FHIT: variants seen among roughly 807,000 people sequenced by gnomAD.
FHIT encodes fragile histidine triad diadenosine triphosphatase, also known as bis(5'-adenosyl)-triphosphatase.
In FHIT, 19 loss-of-function variants were observed where a neutral mutation model predicts 17.9. The observed-to-expected ratio is 1.06, with a 90% confidence interval of 0.74 to 1.56. The LOEUF is 1.56. Ranked by LOEUF, FHIT falls within the 40% of genes most tolerant of loss-of-function variation. The pLI, the probability that FHIT is intolerant of heterozygous loss-of-function variation, is 0.00. For synonymous variants in FHIT, 81 were observed against 69.7 expected (o/e 1.16, Z -0.81); for missense variants, 248 against 189.2 (o/e 1.31, Z -1.82).
At chr3:60,980,940 G>A (rs77247442) in intron 3 of FHIT, among the ~76,000 whole-genome samples, 3,136 of 152,240 alleles carry the variant, frequency 0.021, 111 homozygotes, top group African/African-American at 0.072. Flanking sequence ...AATTCCCTGC[G>A]TGCTCTCACT....
chr3:61,245,081 G>A (rs932590044), intron 1 of FHIT, among the ~76,000 whole-genome samples: 4 of 152,080 alleles, frequency 2.6e-5, no homozygotes, highest in Non-Finnish European at 5.9e-5. Context: ...AAAAACAGTA[G>A]AATTAAAGGT....
chr3:60,874,806 C>G (rs1553755963), intron 3 of FHIT, among the ~76,000 whole-genome samples: 1 of 152,074 alleles, frequency 6.6e-6, no homozygotes. Context: ...AGCTCAACAT[C>G]AAGTCACCTC....
intron 7 of FHIT, among the ~76,000 whole-genome samples, chr3:59,975,619 T>TA (rs541229105): frequency 1.3e-5 from 2 of 151,824 alleles, no homozygotes; most frequent in African/African-American, 2.4e-5. Flanking sequence ...TACAAATGGT[T>TA]AAAAAAACAT....
intron 3 of FHIT, among the ~76,000 whole-genome samples, chr3:60,991,579 A>C (rs2107583048): frequency 6.6e-6 from 1 of 152,296 alleles, no homozygotes; most frequent in Admixed American, 6.5e-5. Flanking sequence ...GTAGTGATTA[A>C]GAACATAGTG....
At chr3:60,953,120 G>C (rs1276782609) in intron 3 of FHIT, among the ~76,000 whole-genome samples, 1 of 152,148 alleles carries the variant, frequency 6.6e-6, no homozygotes, top group Non-Finnish European at 1.5e-5. Context: ...ATAAGAACAA[G>C]TGGGGGCATG....
intron 7 of FHIT, among the ~76,000 whole-genome samples, chr3:59,930,731 G>C (rs184066668): frequency 2.0e-5 from 3 of 152,178 alleles, no homozygotes; most frequent in East Asian, 1.9e-4. Flanking sequence ...GGAAACGTTG[G>C]GGGGTGGTAA....
chr3:60,944,606 G>A (rs1348520599), intron 3 of FHIT, among the ~76,000 whole-genome samples: 1 of 152,214 alleles, frequency 6.6e-6, no homozygotes, highest in Non-Finnish European at 1.5e-5. Flanking sequence ...AACTCATAGT[G>A]TGGCAGAGTA....
intron 5 of FHIT, among the ~76,000 whole-genome samples, chr3:60,351,083 CAAA>C (rs71930476): frequency 1.3e-5 from 2 of 151,072 alleles, no homozygotes; most frequent in African/African-American, 4.9e-5. Context: ...GACACTGAAG[CAAA>C]AAAAAGCCAT....
intron 4 of FHIT, among the ~76,000 whole-genome samples, chr3:60,699,606 G>C (rs1553701503): frequency 7.1e-6 from 1 of 140,064 alleles, no homozygotes. Context: ...TCGTTAGTGG[G>C]TGCAGCGCAC....
At position 59,914,106 on chromosome 3, in the gene FHIT, G is replaced by A. The variant is rs185592047; in HGVS notation, c.348+8240C>T. On this transcript the variant is annotated intron_variant, in intron 8 of 9. Coordinates refer to ENST00000492590, the MANE Select transcript of FHIT (RefSeq NM_002012.4). ...CACCAAAACAAGTACAAAGAAACAG[G>A]TGAAATTAATTTTAGTGATATAATT... Among the ~76,000 whole-genome samples, 14 of 152,192 alleles carry A rather than the reference G, an allele frequency of 9.2e-5. No homozygotes were observed. In the East Asian group the frequency reaches 2.3e-3, roughly 25 times the overall value.
chr3:61,054,718 C>T (rs952486902), intron 2 of FHIT, among the ~76,000 whole-genome samples: 3 of 152,130 alleles, frequency 2.0e-5, no homozygotes, highest in Admixed American at 1.3e-4. Flanking sequence ...CCTAAGAGAA[C>T]ACTGGTCTCC....
At chr3:60,900,029 A>G (rs1451616854) in intron 3 of FHIT, among the ~76,000 whole-genome samples, 1 of 152,162 alleles carries the variant, frequency 6.6e-6, no homozygotes, top group African/African-American at 2.4e-5. Flanking sequence ...AATCTGCTCA[A>G]AGCTCAGGGA....
chr3:61,083,609 C>A (rs2035215442), intron 2 of FHIT, among the ~76,000 whole-genome samples: 1 of 152,012 alleles, frequency 6.6e-6, no homozygotes, highest in Non-Finnish European at 1.5e-5. Context: ...GAAAAAGAAA[C>A]CTTATACCTA....
chr3:60,237,500 C>A (rs148140219), intron 5 of FHIT, among the ~76,000 whole-genome samples: 1 of 152,232 alleles, frequency 6.6e-6, no homozygotes, highest in East Asian at 1.9e-4. Context: ...AAGACAGGGA[C>A]CTTGATGAGT....
At chr3:60,560,384 T>C (rs1392030103) in intron 4 of FHIT, among the ~76,000 whole-genome samples, 2 of 152,058 alleles carry the variant, frequency 1.3e-5, no homozygotes, top group East Asian at 3.9e-4. Context: ...AGATTGGGAT[T>C]GCCTATCAGC....
chr3:60,360,080 C>A (rs1385443461), intron 5 of FHIT, among the ~76,000 whole-genome samples: 1 of 151,148 alleles, frequency 6.6e-6, no homozygotes, highest in Non-Finnish European at 1.5e-5. Context: ...GAAAGTTCCC[C>A]ATTAGGTGCA....
intron 4 of FHIT, among the ~76,000 whole-genome samples, chr3:60,700,914 T>C (rs1408777673): frequency 1.3e-5 from 2 of 152,182 alleles, no homozygotes; most frequent in South Asian, 2.1e-4. Context: ...AAATATGGTA[T>C]ATAACTGTAT....
intron 5 of FHIT, among the ~76,000 whole-genome samples, chr3:60,203,160 G>C (rs1054572163): frequency 6.6e-6 from 1 of 152,124 alleles, no homozygotes; most frequent in Non-Finnish European, 1.5e-5. Flanking sequence ...TAACTATAGA[G>C]AGTTTGCATG....
At chr3:60,332,675 T>A (rs1421428650) in intron 5 of FHIT, among the ~76,000 whole-genome samples, 1 of 152,128 alleles carries the variant, frequency 6.6e-6, no homozygotes, top group Non-Finnish European at 1.5e-5. Flanking sequence ...AGGCAACTAT[T>A]TTGGGGAGAA....
Sources: allele counts gnomAD v4.1 joint callset (sites outside exome capture counted in the v4.1 genomes callset), GRCh38; gene constraint gnomAD v4.1.1; transcripts MANE v1.5; gene names NCBI Gene and HGNC (gene_info 2026-07-23, HGNC 2026-07-21).